Variants in KIAA1549L observed in about 807,000 individuals in gnomAD.
KIAA1549L encodes the protein KIAA1549 like, also known as UPF0606 protein KIAA1549L.
A neutral mutation model predicts 160.7 loss-of-function variants in KIAA1549L; 88 were observed. That is an observed-to-expected ratio of 0.55 (90% CI 0.46 to 0.65). The LOEUF is 0.65. Ranked by LOEUF, KIAA1549L falls within the 30% of genes least tolerant of loss-of-function variation. The pLI, the probability that KIAA1549L is intolerant of heterozygous loss-of-function variation, is 0.00. For missense variants in KIAA1549L, 2,258 were observed against 2,437.5 expected (o/e 0.93, Z 1.55); for synonymous variants, 950 against 976.7 (o/e 0.97, Z 0.51).
chr11:33,579,079 C>T (rs1855550033), intron 10 of KIAA1549L, among the ~76,000 whole-genome samples: 2 of 152,188 alleles, frequency 1.3e-5, no homozygotes, highest in African/African-American at 2.4e-5. Context: ...AACCCAGGCC[C>T]AGCCCCTGCT....
chr11:33,497,095 A>G (rs1852838884), intron 1 of KIAA1549L, among the ~76,000 whole-genome samples: 1 of 152,008 alleles, frequency 6.6e-6, no homozygotes, highest in African/African-American at 2.4e-5. Flanking sequence ...TGGCCCCCCA[A>G]TTTAAGGTAG....
At chr11:33,408,607 A>G (rs924299712) in intron 1 of KIAA1549L, among the ~76,000 whole-genome samples, 3 of 150,366 alleles carry the variant, frequency 2.0e-5, no homozygotes, top group Admixed American at 6.6e-5. Flanking sequence ...TTTTTTTGGC[A>G]CCTCTCTGTC....
intron 1 of KIAA1549L, among the ~76,000 whole-genome samples, chr11:33,403,944 C>T (rs1850592713): frequency 6.6e-6 from 1 of 152,124 alleles, no homozygotes. Context: ...CCAAGGGGGC[C>T]ATGATGAAAA....
In KIAA1549L at chr11:33,668,350, T is replaced by G. The variant is rs1431036673; in HGVS notation, c.*196T>G. 2 of 612,320 alleles carry G rather than the reference T, an allele frequency of 3.3e-6. No homozygotes were observed. Among genetic ancestry groups the G allele is most frequent in the Non-Finnish European group, 5.7e-6 (2 of 351,512 alleles). The allele number at this position is 612,320 out of a possible 1,614,324, so 37.9% of individuals were successfully genotyped here. A position where few individuals can be genotyped will look rare whatever the true frequency, so the allele number is the denominator to read the frequency against. On this transcript the variant is annotated 3_prime_UTR_variant, in exon 21 of 21. Transcript: ENST00000658780. ...TAGATTCTTGGCTCATCCAACTGAT[T>G]GTGGGTCAAGTCCCTGGCTTGGGGC...
Position 33,656,097 on chromosome 11 carries a change from C to T in KIAA1549L, c.5846C>T (p.Ala1949Val). 6.2e-7 allele frequency: 1 copy of T among 1,612,992 alleles called. No individual in the cohort carries two copies. Among genetic ancestry groups the T allele is most frequent in the Non-Finnish European group, 8.5e-7 (1 of 1,179,102 alleles). The change falls in exon 18 of 21, where the codon GCT becomes GTT. Residue 1949 changes from alanine (A) to valine (V), a missense_variant. Transcript: ENST00000658780. ...CCCCGGACTGGTCCTGTGGCTGTCG[C>T]TTCTCTCAGGCGGTAACACGTTCCT... is the stretch of plus-strand genomic sequence containing the variant. ...VPPRTGPVAV[A>V]SLRRSTSDIG...
At chr11:33,607,197 G>A (rs1027798183) in intron 14 of KIAA1549L, among the ~76,000 whole-genome samples, 3 of 152,158 alleles carry the variant, frequency 2.0e-5, no homozygotes, top group African/African-American at 7.2e-5. Context: ...GGATGGAAGG[G>A]GCTTGAATTG....
chr11:33,392,617 G>A (rs1850292805), intron 1 of KIAA1549L, among the ~76,000 whole-genome samples: 1 of 152,160 alleles, frequency 6.6e-6, no homozygotes, highest in African/African-American at 2.4e-5. Flanking sequence ...CCCTTCTGCA[G>A]ACATTCCCAT....
At chr11:33,618,098 A>G (rs555833127) in intron 15 of KIAA1549L, among the ~76,000 whole-genome samples, 1 of 152,356 alleles carries the variant, frequency 6.6e-6, no homozygotes, top group African/African-American at 2.4e-5. Flanking sequence ...TACAGGGTTT[A>G]TTAACACATC....
rs746770988 is a variant in KIAA1549L, at chr11:33,552,105, T to C, written c.3722-3T>C. 3 of 1,613,518 alleles carry C rather than the reference T, an allele frequency of 1.9e-6. No individual in the cohort carries two copies. Among genetic ancestry groups the C allele is most frequent in the Non-Finnish European group, 2.5e-6 (3 of 1,179,712 alleles). On this transcript the variant is annotated splice_polypyrimidine_tract_variant and splice_region_variant and intron_variant, in intron 5 of 20. Coordinates refer to ENST00000658780, the MANE Select transcript of KIAA1549L (RefSeq NM_012194.3). ...GAGCACTGATTGACTTCTCTCATTCTAGTGCTGCAGTTTGTGAGCCAAGCG... is the reference window on the plus strand; with the variant it reads ...GAGCACTGATTGACTTCTCTCATTCCAGTGCTGCAGTTTGTGAGCCAAGCG...
chr11:33,545,109 C>G lies in KIAA1549L; in HGVS notation c.3116C>G (p.Thr1039Ser). 6.2e-7 allele frequency: 1 copy of G among 1,614,042 alleles called. No homozygotes were observed. Among genetic ancestry groups the G allele is most frequent in the East Asian group, 2.2e-5 (1 of 44,890 alleles). Residue 1039 changes from threonine (T) to serine (S), a missense_variant, in exon 3 of 21, where the codon ACT (threonine) becomes AGT (serine). Physicochemically the swap from Thr to Ser is moderately conservative, Grantham distance 58 (BLOSUM62 1). This residue lies in a region of KIAA1549L where 1,359 missense variants were observed against 1,546.6 expected (regional missense o/e 0.88). Coordinates refer to ENST00000658780, the MANE Select transcript of KIAA1549L (RefSeq NM_012194.3). ...ACTGCCTCTGGCCTGTTGTCTACAA[C>G]TTACCTCCCCAGGAAACCACAAGCC... ...MDTASGLLST[T>S]YLPRKPQAMH... is the part of the protein sequence containing the mutation.
intron 9 of KIAA1549L, among the ~76,000 whole-genome samples, chr11:33,571,175 C>G (rs868634861): frequency 6.6e-6 from 1 of 152,140 alleles, no homozygotes; most frequent in African/African-American, 2.4e-5. Flanking sequence ...CCCAGCTACT[C>G]GGGAGGCTGA....
chr11:33,598,953 A>G lies in KIAA1549L; in HGVS notation c.4879+6A>G. 2 of 1,612,678 alleles carry G rather than the reference A, an allele frequency of 1.2e-6. No homozygotes were observed. The highest frequency in any genetic ancestry group is 1.7e-6 in the Non-Finnish European group (2 of 1,179,502). On this transcript the variant is annotated splice_donor_region_variant and intron_variant, in intron 13 of 20. Transcript: ENST00000658780. ...GGAGGCAAGGAAGAGAAATGGTGAG[A>G]AGCCTTCCCTCCAAGAACCACCCCC...
At chr11:33,553,428 A>T (rs759427172) in intron 6 of KIAA1549L, among the ~76,000 whole-genome samples, 54 of 152,088 alleles carry the variant, frequency 3.6e-4, no homozygotes, top group Non-Finnish European at 6.2e-4. Context: ...CTACTGAACT[A>T]TAAAGCCTTT....
At chr11:33,495,757 T>A (rs1040357599) in intron 1 of KIAA1549L, among the ~76,000 whole-genome samples, 2 of 151,940 alleles carry the variant, frequency 1.3e-5, no homozygotes, top group African/African-American at 4.8e-5. Flanking sequence ...TGTAAAAGTG[T>A]TCCTGTTTCT....
At chr11:33,573,471 A>C (rs1215086866) in intron 9 of KIAA1549L, among the ~76,000 whole-genome samples, 1 of 152,128 alleles carries the variant, frequency 6.6e-6, no homozygotes, top group Non-Finnish European at 1.5e-5. Context: ...TTTTGTATTC[A>C]TCCATAATGA....
chr11:33,432,439 G>GT (rs1289829735), intron 1 of KIAA1549L, among the ~76,000 whole-genome samples: 15 of 152,190 alleles, frequency 9.9e-5, no homozygotes, highest in East Asian at 9.6e-4. Context: ...ATGGATATGG[G>GT]TTTTTTTTTC....
chr11:33,613,384 T>C (rs535545546), intron 15 of KIAA1549L, among the ~76,000 whole-genome samples: 75 of 152,344 alleles, frequency 4.9e-4, no homozygotes, highest in Admixed American at 1.7e-3. Context: ...ATATGCTTGT[T>C]GGCCACATGT....
chr11:33,506,522 TC>T (rs1340503278), intron 1 of KIAA1549L, among the ~76,000 whole-genome samples: 1 of 152,026 alleles, frequency 6.6e-6, no homozygotes, highest in Non-Finnish European at 1.5e-5. Flanking sequence ...GTCCAGGAGT[TC>T]TAGACCAGCC....
intron 1 of KIAA1549L, among the ~76,000 whole-genome samples, chr11:33,530,133 G>A (rs953656447): frequency 4.6e-5 from 7 of 151,662 alleles, no homozygotes; most frequent in East Asian, 1.9e-4. Context: ...GGTGGCTCAC[G>A]CCTGTAATTC....
Sources: allele counts gnomAD v4.1 joint callset (sites outside exome capture counted in the v4.1 genomes callset), GRCh38; gene constraint gnomAD v4.1.1; regional missense constraint gnomAD v4.1.1; transcripts MANE v1.5; gene names NCBI Gene and HGNC (gene_info 2026-07-23, HGNC 2026-07-21).